Variants in GP6 observed in about 807,000 individuals in gnomAD.
The protein encoded by GP6 is platelet glycoprotein VI.
In GP6, 45 loss-of-function variants were observed where a neutral mutation model predicts 37.3. The observed-to-expected ratio is 1.21, with a 90% CI of 0.95 to 1.55. The LOEUF (loss-of-function observed/expected upper bound fraction) is 1.55. Ranked by LOEUF, GP6 falls within the 40% of genes most tolerant of loss-of-function variation. GP6 has a pLI of 0.00. For synonymous variants in GP6, 340 were observed against 316.4 expected, an observed-to-expected ratio of 1.07 and a Z score of -0.79; for missense variants, 813 against 760.2, an observed-to-expected ratio of 1.07 and a Z score of -0.82.
At position 55,014,600 on chromosome 19, in the gene GP6, A is replaced by G. The variant is rs1016879725; in HGVS notation, c.1345T>C (p.Trp449Arg). 3.1e-6 allele frequency: 5 copies of G among 1,613,918 alleles called. No homozygotes were observed. Among genetic ancestry groups the G allele is most frequent in the Admixed American group, 3.3e-5 (2 of 59,980 alleles). The stretch of plus-strand genomic sequence containing the variant: ...AACCTTAGAGATCCGTCTGGAGCCC[A>G]TATTAGAGAGGTTGAAGAAAGAGGC... Residue 449 changes from tryptophan to arginine, a missense_variant, in exon 8 of 8, where the codon TGG becomes CGG. Trp to Arg is a moderately radical substitution (Grantham distance 101, BLOSUM62 -3). Coordinates refer to ENST00000310373, the MANE Select transcript of GP6 (RefSeq NM_001083899.2).
At chr19:55,030,839 T>C (rs1458892152) in intron 3 of GP6, among the ~76,000 whole-genome samples, 2 of 152,058 alleles carry the variant, frequency 1.3e-5, no homozygotes, top group African/African-American at 4.8e-5. Context: ...TATAGTTGTG[T>C]CTATGGTTAG....
intron 1 of GP6, among the ~76,000 whole-genome samples, chr19:55,034,203 CA>C (rs2074734663): frequency 6.7e-6 from 1 of 149,908 alleles, no homozygotes; most frequent in African/African-American, 2.5e-5. Flanking sequence ...AATACATGTA[CA>C]TAAGCGATCC....
rs544216057 is a variant in GP6, at chr19:55,033,430, G to A, written c.35-892C>T. ...CGGTGGGCTCGTTCGTGTTAGACGC[G>A]GTGGGCTCGTTCGTGTTAGACGCGG... On this transcript the variant is annotated intron_variant, in intron 1 of 7. Coordinates refer to ENST00000310373, the MANE Select transcript of GP6 (RefSeq NM_001083899.2). Among the ~76,000 whole-genome samples, 37 of 145,632 alleles carry A rather than the reference G, an allele frequency of 2.5e-4. 1 individual carries two copies. Among genetic ancestry groups the A allele is most frequent in the Non-Finnish European group, 3.8e-4 (25 of 65,098 alleles).
chr19:55,014,332 T>C lies in GP6; in HGVS notation c.1613A>G (p.Lys538Arg). The change falls in exon 8 of 8, where the codon AAG becomes AGG. Residue 538 changes from lysine to arginine, a missense_variant. Lys to Arg is a conservative substitution (Grantham distance 26, BLOSUM62 2). Transcript: ENST00000310373. ...TTTCACCATGTTGCACAGGCTGATC[T>C]TGTTTTCTAATGTGAAGGGAAGCGG... 6.2e-7 allele frequency: 1 copy of C among 1,603,414 alleles called. No individual in the cohort carries two copies.
chr19:55,036,801 A>T (rs1236993065), intron 1 of GP6, among the ~76,000 whole-genome samples: 1 of 152,184 alleles, frequency 6.6e-6, no homozygotes, highest in Non-Finnish European at 1.5e-5. Flanking sequence ...ACCTGAAGTA[A>T]GGAGCTTGAG....
chr19:55,018,235 G>C (rs747150899), intron 6 of GP6, among the ~76,000 whole-genome samples: 30 of 152,212 alleles, frequency 2.0e-4, no homozygotes, highest in Non-Finnish European at 3.4e-4. Flanking sequence ...ACTGAGGAAA[G>C]CGTATCTGCA....
chr19:55,020,108 A>G (rs1440840056), intron 5 of GP6, among the ~76,000 whole-genome samples: 1 of 151,868 alleles, frequency 6.6e-6, no homozygotes, highest in Non-Finnish European at 1.5e-5. Context: ...ACCAGCTTGG[A>G]AAAAACTAGT....
At chr19:55,024,334 G>GCACACATGCA in intron 5 of GP6, among the ~76,000 whole-genome samples, 1 of 47,362 alleles carries the variant, frequency 2.1e-5, no homozygotes, top group South Asian at 6.2e-4. Flanking sequence ...ACATATGCAC[G>GCACACATGCA]CACACACGCA....
At chr19:55,022,881 C>T (rs1415801347) in intron 5 of GP6, among the ~76,000 whole-genome samples, 1 of 152,202 alleles carries the variant, frequency 6.6e-6, no homozygotes, top group East Asian at 1.9e-4. Flanking sequence ...AATGGAAAAA[C>T]ATTCCATGCT....
At chr19:55,015,819 G>A in intron 6 of GP6, 86 bp from the exon 7 acceptor site, 1 of 777,120 alleles carries the variant, frequency 1.3e-6, no homozygotes, top group South Asian at 1.4e-5. Context: ...ACACACACAT[G>A]GGGAGGCACA....
intron 5 of GP6, among the ~76,000 whole-genome samples, chr19:55,023,659 G>T (rs1198923335): frequency 6.6e-6 from 1 of 152,166 alleles, no homozygotes; most frequent in Non-Finnish European, 1.5e-5. Flanking sequence ...TCAGAACCAT[G>T]AACCAATTAA....
At chr19:55,034,701 G>A (rs1214383270) in intron 1 of GP6, among the ~76,000 whole-genome samples, 2 of 137,274 alleles carry the variant, frequency 1.5e-5, no homozygotes, top group East Asian at 4.3e-4. Context: ...TGTTTTATCT[G>A]GTAACCCTCA....
chr19:55,025,141 T>G, intron 5 of GP6, 77 bp downstream of exon 5: 1 of 795,686 alleles, frequency 1.3e-6, no homozygotes, highest in South Asian at 1.4e-5. Context: ...AATCGAGAAG[T>G]CTAGGCAGAG....
chr19:55,024,114 T>C (rs11668169), intron 5 of GP6, among the ~76,000 whole-genome samples: 115,452 of 152,110 alleles, frequency 0.76, 44,612 homozygotes, highest in Middle Eastern at 0.84. Flanking sequence ...GGTTTTTATG[T>C]TGTACTCTAA....
At chr19:55,032,942 C>T (rs1298026355) in intron 1 of GP6, 1 of 257,044 alleles carries the variant, frequency 3.9e-6, no homozygotes, top group Non-Finnish European at 7.4e-6. Flanking sequence ...ACGGTGGGCT[C>T]GTTCGTGTTA....
intron 1 of GP6, 38 bp from the exon 2 acceptor site, chr19:55,032,576 C>A: frequency 6.2e-7 from 1 of 1,610,386 alleles, no homozygotes; most frequent in African/African-American, 1.3e-5. Flanking sequence ...CCAGGACTCG[C>A]TTTTATGGAC....
intron 6 of GP6, 118 bp downstream of exon 6, chr19:55,018,534 C>G (rs1162492346): frequency 3.8e-6 from 3 of 791,000 alleles, no homozygotes; most frequent in African/African-American, 1.7e-5. Flanking sequence ...CAAGGACTTT[C>G]TTGGTAAGAG....
chr19:55,032,031 G>C (rs1199236657), intron 3 of GP6, 108 bp downstream of exon 3: 4 of 1,081,780 alleles, frequency 3.7e-6, no homozygotes, highest in Non-Finnish European at 5.5e-6. Flanking sequence ...CCACCCGCTA[G>C]GCCAGTGCCT....
At position 55,024,304 on chromosome 19, in the gene GP6, A is replaced by ACACACACACGCACGCGCACG. The variant is rs1568612810; in HGVS notation, c.664+913_664+914insCGTGCGCGTGCGTGTGTGTG. Among the ~76,000 whole-genome samples, 21 of 75,738 alleles carry ACACACACACGCACGCGCACG rather than the reference A, an allele frequency of 2.8e-4. 1 individual carries two copies. The highest frequency in any genetic ancestry group is 5.8e-4 in the Admixed American group (5 of 8,670). 49.7% of individuals were successfully genotyped at this position (75,738 alleles called of 152,430 possible). On this transcript the variant is annotated intron_variant, in intron 5 of 7. Transcript: ENST00000310373. ...CACACACACATATGCACGCATGCAC[A>ACACACACACGCACGCGCACG]CACATATGCACGCACACACACATAT...
Sources: gnomAD v4.1 joint callset for allele counts (sites outside exome capture counted in the v4.1 genomes callset) on GRCh38, gnomAD v4.1.1 for gene constraint, MANE v1.5 for transcripts, NCBI Gene and HGNC (gene_info 2026-07-23, HGNC 2026-07-21) for gene names.